ATP10A: variants seen among roughly 807,000 people sequenced by gnomAD.
ATP10A encodes phospholipid-transporting ATPase VA.
ATP10A carries 111 observed loss-of-function variants against 147.8 expected under a neutral mutation model. The observed-to-expected ratio is 0.75, with a 90% CI of 0.64 to 0.88. ATP10A has a LOEUF of 0.88. Ranked by LOEUF, ATP10A falls within the 40% of genes least tolerant of loss-of-function variation. ATP10A has a pLI of 0.00. For synonymous variants in ATP10A, 875 were observed against 841.6 expected, an observed-to-expected ratio of 1.04 and a Z score of -0.69; for missense variants, 1,927 against 1,959.0, an observed-to-expected ratio of 0.98 and a Z score of 0.31.
chr15:25,708,034 G>T lies in ATP10A; in HGVS notation c.2517C>A (p.Asn839Lys). 1 of 1,614,172 alleles carries T rather than the reference G, an allele frequency of 6.2e-7. No individual in the cohort carries two copies. The highest frequency in any genetic ancestry group is 8.5e-7 in the Non-Finnish European group (1 of 1,180,032). ...SHLEAESSLE[N>K]SEELLFQSAI... Reference sequence around the variant, plus strand: ...CAGACTGGAAGAGGAGCTCCTCGCTGTTTTCCAGGGAGGATTCGGCTTCTA... The same window carrying T: ...CAGACTGGAAGAGGAGCTCCTCGCTTTTTTCCAGGGAGGATTCGGCTTCTA... The change falls in exon 12 of 21, where the codon AAC becomes AAA. Residue 839 changes from asparagine to lysine, a missense_variant. Asn to Lys is a moderately conservative substitution (Grantham distance 94, BLOSUM62 0). Transcript: ENST00000555815.
intron 1 of ATP10A, among the ~76,000 whole-genome samples, chr15:25,801,676 C>A (rs891080466): frequency 1.3e-5 from 2 of 152,212 alleles, no homozygotes; most frequent in Non-Finnish European, 2.9e-5. Context: ...CACTTTCCAG[C>A]TTTCTCAAGC....
Position 25,863,168 on chromosome 15 carries a change from C to G in ATP10A, c.-72G>C. The G allele has an allele frequency of 9.6e-7, 1 of 1,038,106 alleles. No individual in the cohort carries two copies. The highest frequency in any genetic ancestry group is 1.2e-6 in the Non-Finnish European group (1 of 852,624). 64.3% of individuals were successfully genotyped at this position (1,038,106 alleles called of 1,614,324 possible). A position where few individuals can be genotyped will look rare whatever the true frequency, so the allele number is the denominator to read the frequency against. On this transcript the variant is annotated 5_prime_UTR_variant, in exon 1 of 21. Transcript: ENST00000555815. ...GCGCCGGCCTCTTAGGTTATCATCA[C>G]TCGCGGCCCGGGCGCGGCGGTGCGA...
intron 16 of ATP10A, 87 bp downstream of exon 16, chr15:25,687,616 C>G: frequency 7.5e-6 from 7 of 930,612 alleles, no homozygotes; most frequent in Non-Finnish European, 9.2e-6. Flanking sequence ...CTCCCATCTG[C>G]TCCATCCTCC....
intron 14 of ATP10A, among the ~76,000 whole-genome samples, 179 bp from the exon 15 acceptor site, chr15:25,691,970 A>G (rs977780215): frequency 6.6e-6 from 1 of 152,192 alleles, no homozygotes; most frequent in African/African-American, 2.4e-5. Flanking sequence ...AGCATTCAGA[A>G]TAAGCTAGCG....
At chr15:25,748,490 T>A (rs1029356708) in intron 2 of ATP10A, among the ~76,000 whole-genome samples, 1 of 152,140 alleles carries the variant, frequency 6.6e-6, no homozygotes, top group Non-Finnish European at 1.5e-5. Flanking sequence ...AATAAAAGAA[T>A]CATTAGTTTG....
chr15:25,798,102 A>C (rs764058211), intron 1 of ATP10A, among the ~76,000 whole-genome samples: 6 of 152,148 alleles, frequency 3.9e-5, no homozygotes, highest in Admixed American at 2.0e-4. Flanking sequence ...CCTGGGTTGC[A>C]TTCAGCCAGC....
At chr15:25,737,090 G>C (rs1381489278) in intron 2 of ATP10A, among the ~76,000 whole-genome samples, 1 of 152,208 alleles carries the variant, frequency 6.6e-6, no homozygotes, top group African/African-American at 2.4e-5. Flanking sequence ...TACATTAAAA[G>C]GGGCGTGTGC....
intron 1 of ATP10A, among the ~76,000 whole-genome samples, chr15:25,782,077 A>ATT (rs1199549859): frequency 4.6e-5 from 7 of 152,360 alleles, no homozygotes; most frequent in Non-Finnish European, 8.8e-5. Context: ...ACAGGTGAAT[A>ATT]ATAAACAAAA....
chr15:25,687,591 C>A (rs113323030), intron 16 of ATP10A, 112 bp downstream of exon 16: 1 of 740,750 alleles, frequency 1.3e-6, no homozygotes, highest in Non-Finnish European at 1.7e-6. Flanking sequence ...GAGGATGGAG[C>A]AGGTTGTCCA....
At chr15:25,786,188 T>G (rs1448071904) in intron 1 of ATP10A, among the ~76,000 whole-genome samples, 1 of 152,098 alleles carries the variant, frequency 6.6e-6, no homozygotes, top group African/African-American at 2.4e-5. Flanking sequence ...GCACACGGCA[T>G]CAGGGTGGGC....
intron 15 of ATP10A, among the ~76,000 whole-genome samples, chr15:25,689,271 T>C (rs922315405): frequency 4.6e-5 from 7 of 152,178 alleles, no homozygotes; most frequent in African/African-American, 1.4e-4. Context: ...GGATCAGAGA[T>C]GTTGGGGTCA....
At chr15:25,830,583 G>A (rs569661983) in intron 1 of ATP10A, among the ~76,000 whole-genome samples, 5 of 145,488 alleles carry the variant, frequency 3.4e-5, no homozygotes, top group East Asian at 1.9e-4. Context: ...CTTTCTCTCC[G>A]GGGGGGTCCT....
intron 1 of ATP10A, among the ~76,000 whole-genome samples, chr15:25,835,882 C>T (rs1419486019): frequency 6.6e-6 from 1 of 152,280 alleles, no homozygotes; most frequent in Non-Finnish European, 1.5e-5. Context: ...GGTGCAATCT[C>T]GGCTCACTGC....
chr15:25,786,333 C>T (rs1001150588), intron 1 of ATP10A, among the ~76,000 whole-genome samples: 2 of 152,144 alleles, frequency 1.3e-5, no homozygotes, highest in Non-Finnish European at 1.5e-5. Flanking sequence ...AAGGACATCT[C>T]GAATGTGTGC....
intron 1 of ATP10A, among the ~76,000 whole-genome samples, chr15:25,788,254 T>G (rs145612854): frequency 3.9e-5 from 6 of 152,280 alleles, no homozygotes; most frequent in African/African-American, 1.4e-4. Flanking sequence ...GGCCACTACT[T>G]TCATTTAGGG....
intron 1 of ATP10A, among the ~76,000 whole-genome samples, chr15:25,834,847 C>A (rs11630010): frequency 1.3e-5 from 2 of 152,204 alleles, no homozygotes; most frequent in Non-Finnish European, 2.9e-5. Flanking sequence ...GCTATGTGAA[C>A]GAAACCAGTT....
At chr15:25,809,846 C>T (rs1891351211) in intron 1 of ATP10A, among the ~76,000 whole-genome samples, 1 of 152,144 alleles carries the variant, frequency 6.6e-6, no homozygotes, top group African/African-American at 2.4e-5. Flanking sequence ...TTCCCACAAC[C>T]TTCATTTTCA....
At chr15:25,675,586 G>C (rs1420252584), downstream of ATP10A, among the ~76,000 whole-genome samples, 2 of 152,198 alleles carry the variant, frequency 1.3e-5, no homozygotes, top group East Asian at 3.9e-4. Flanking sequence ...GGGGCTGGGA[G>C]GGAGGGAGCA....
At chr15:25,848,217 CATGT>C (rs1893116330) in intron 1 of ATP10A, among the ~76,000 whole-genome samples, 1 of 152,122 alleles carries the variant, frequency 6.6e-6, no homozygotes, top group South Asian at 2.1e-4. Flanking sequence ...GCAATGAACA[CATGT>C]ATTAGCTTCC....
Sources: allele counts gnomAD v4.1 joint callset (sites outside exome capture counted in the v4.1 genomes callset), GRCh38; gene constraint gnomAD v4.1.1; transcripts MANE v1.5; gene names NCBI Gene and HGNC (gene_info 2026-07-23, HGNC 2026-07-21).